Variants in CNTN1 observed in about 807,000 individuals in gnomAD.
CNTN1 encodes contactin 1.
CNTN1 carries 38 observed loss-of-function variants against 126.4 expected under a neutral mutation model. The observed-to-expected ratio is 0.30, with a 90% CI of 0.23 to 0.39. The LOEUF is 0.39. CNTN1 is among the 10% of genes least tolerant of loss of function. The pLI is 1.00. For synonymous variants in CNTN1, 413 were observed against 422.6 expected (o/e 0.98, Z 0.28); for missense variants, 1,009 against 1,248.4 (o/e 0.81, Z 2.89).
At chr12:41,009,192 G>A (rs1948584133) in intron 17 of CNTN1, among the ~76,000 whole-genome samples, 1 of 152,188 alleles carries the variant, frequency 6.6e-6, no homozygotes, top group Non-Finnish European at 1.5e-5. Context: ...CAGTTCCCTT[G>A]GGGAGAAAGG....
intron 1 of CNTN1, among the ~76,000 whole-genome samples, chr12:40,742,189 T>A (rs1253650614): frequency 6.6e-6 from 1 of 152,108 alleles, no homozygotes; most frequent in African/African-American, 2.4e-5. Context: ...AATGCTCTCC[T>A]ACTGTTCAAT....
intron 17 of CNTN1, among the ~76,000 whole-genome samples, chr12:40,998,039 T>C (rs1592379340): frequency 2.0e-5 from 3 of 152,056 alleles, no homozygotes. Context: ...AAGATGATGA[T>C]TGGGGCTATT....
At chr12:40,740,743 T>C (rs921271544) in intron 1 of CNTN1, among the ~76,000 whole-genome samples, 2 of 152,052 alleles carry the variant, frequency 1.3e-5, no homozygotes, top group Non-Finnish European at 2.9e-5. Context: ...GTAATTGAAT[T>C]ATGGGGGTGG....
intron 1 of CNTN1, among the ~76,000 whole-genome samples, chr12:40,788,804 C>G (rs1304274487): frequency 6.6e-6 from 1 of 152,112 alleles, no homozygotes; most frequent in East Asian, 1.9e-4. Flanking sequence ...TAAAGCTTCT[C>G]TTTCTTTTAT....
At chr12:40,829,075 A>T (rs1312316637) in intron 1 of CNTN1, among the ~76,000 whole-genome samples, 1 of 152,194 alleles carries the variant, frequency 6.6e-6, no homozygotes, top group Non-Finnish European at 1.5e-5. Context: ...ACAGTACTAT[A>T]CGAGTATATT....
rs1053529066 is a variant in CNTN1, at chr12:41,072,001, G to A, written c.*1966G>A. 4.6e-5 allele frequency: 7 copies of A among 152,170 alleles called. No homozygotes were observed. Among genetic ancestry groups the A allele is most frequent in the Non-Finnish European group, 1.0e-4 (7 of 68,012 alleles). The allele number at this position is 152,170 out of a possible 1,614,324, so 9.4% of individuals were successfully genotyped here. A position where few individuals can be genotyped will look rare whatever the true frequency, so the allele number is the denominator to read the frequency against. On this transcript the variant is annotated 3_prime_UTR_variant, in exon 24 of 24. Transcript: ENST00000551295. ...GTTAGATTTTGCATGAAATGGTTCT[G>A]AAAGGTAAGAGGAAAACAGACTTTG...
intron 1 of CNTN1, among the ~76,000 whole-genome samples, chr12:40,790,732 A>C (rs1940189281): frequency 1.3e-5 from 2 of 152,076 alleles, no homozygotes; most frequent in African/African-American, 2.4e-5. Context: ...GCCAACCAAC[A>C]CAAGAAAGGC....
chr12:40,769,263 A>G (rs530303020), intron 1 of CNTN1, among the ~76,000 whole-genome samples: 386 of 136,732 alleles, frequency 2.8e-3, no homozygotes, highest in Non-Finnish European at 5.2e-3. Context: ...TAAACAATAT[A>G]TCTTTTTTTC....
At chr12:40,915,962 C>A (rs951507898) in intron 3 of CNTN1, among the ~76,000 whole-genome samples, 16 of 152,176 alleles carry the variant, frequency 1.1e-4, no homozygotes, top group African/African-American at 3.9e-4. Flanking sequence ...AACACAAATT[C>A]ATTTCTCCTT....
chr12:40,705,323 A>G (rs1344803579), intron 1 of CNTN1, among the ~76,000 whole-genome samples: 1 of 152,158 alleles, frequency 6.6e-6, no homozygotes, highest in Non-Finnish European at 1.5e-5. Context: ...ATCCTGATGA[A>G]TTATTTCTGC....
intron 16 of CNTN1, among the ~76,000 whole-genome samples, chr12:40,982,187 C>T (rs1947838157): frequency 6.6e-6 from 1 of 151,986 alleles, no homozygotes; most frequent in African/African-American, 2.4e-5. Context: ...TATAAAGTTG[C>T]AATAAATTAG....
rs191018153 is a variant in CNTN1, at chr12:40,869,213, A to G, written c.-76-39144A>G. ...AGGTTTGATCTAAGGACACAAATAT[A>G]TGCATTAAATATTGAAAAAAAATAA... On this transcript the variant is annotated intron_variant, in intron 1 of 23. Transcript: ENST00000551295. Among the ~76,000 whole-genome samples the G allele has an allele frequency of 4.5e-3, 679 of 150,946 alleles. 4 individuals carry two copies. Among genetic ancestry groups the G allele is most frequent in the African/African-American group, 0.012 (502 of 41,074 alleles).
At chr12:40,780,050 C>T (rs908076233) in intron 1 of CNTN1, among the ~76,000 whole-genome samples, 5 of 151,904 alleles carry the variant, frequency 3.3e-5, no homozygotes, top group Non-Finnish European at 7.4e-5. Flanking sequence ...TCTTGAAAAG[C>T]CTTCAGACCG....
chr12:41,029,905 CT>C (rs199956296), intron 23 of CNTN1, among the ~76,000 whole-genome samples: 6 of 150,584 alleles, frequency 4.0e-5, no homozygotes, highest in Admixed American at 1.3e-4. Context: ...GCAGTCATTT[CT>C]TTTTTTTTAT....
At chr12:40,827,398 A>T (rs1029936940) in intron 1 of CNTN1, among the ~76,000 whole-genome samples, 1 of 145,636 alleles carries the variant, frequency 6.9e-6, no homozygotes, top group African/African-American at 2.5e-5. Flanking sequence ...AAACTTTTCT[A>T]AAAAAGGTTA....
chr12:40,917,844 C>T (rs114263605), intron 3 of CNTN1, among the ~76,000 whole-genome samples: 63 of 152,240 alleles, frequency 4.1e-4, no homozygotes, highest in East Asian at 1.7e-3. Context: ...CTTCTCAACA[C>T]GGCTGTTTGT....
intron 1 of CNTN1, among the ~76,000 whole-genome samples, chr12:40,739,759 T>A (rs1361022853): frequency 6.6e-6 from 1 of 152,100 alleles, no homozygotes; most frequent in Non-Finnish European, 1.5e-5. Flanking sequence ...CTTGAAATAC[T>A]ATTATAAACA....
chr12:40,828,064 AT>A (rs1941677237), intron 1 of CNTN1: 1 of 152,166 alleles, frequency 6.6e-6, no homozygotes, highest in East Asian at 1.9e-4. Context: ...GGAATGCTTT[AT>A]TTGAAAGTAT....
intron 12 of CNTN1, 115 bp from the exon 13 acceptor site, chr12:40,943,482 C>A: frequency 1.3e-6 from 1 of 757,288 alleles, no homozygotes; most frequent in South Asian, 1.9e-5. Context: ...TGTCTGTGGT[C>A]GCATGATTTA....
Sources: allele counts gnomAD v4.1 joint callset (sites outside exome capture counted in the v4.1 genomes callset), GRCh38; gene constraint gnomAD v4.1.1; transcripts MANE v1.5; gene names NCBI Gene and HGNC (gene_info 2026-07-23, HGNC 2026-07-21).